Variants in ZDHHC20 observed in about 807,000 individuals in gnomAD.
The protein encoded by ZDHHC20 is zDHHC palmitoyltransferase 20, also known as palmitoyltransferase ZDHHC20.
ZDHHC20 carries 43 observed loss-of-function variants against 57.8 expected under a neutral mutation model. The ratio of observed to expected loss-of-function variants is 0.74; its 90% CI spans 0.58 to 0.96. The LOEUF is 0.96. Ranked by LOEUF, ZDHHC20 falls within the 40% of genes least tolerant of loss-of-function variation. The pLI is 0.00. For synonymous variants in ZDHHC20, 157 were observed against 153.0 expected, an observed-to-expected ratio of 1.03 and a Z score of -0.19; for missense variants, 391 against 441.1, an observed-to-expected ratio of 0.89 and a Z score of 1.02.
chr13:21,386,614 T>C (rs917765194), intron 9 of ZDHHC20, among the ~76,000 whole-genome samples: 1 of 152,222 alleles, frequency 6.6e-6, no homozygotes, highest in Non-Finnish European at 1.5e-5. Context: ...GTTGGCACCA[T>C]CTCAGCTCAC....
chr13:21,400,890 T>C (rs1250051194), intron 6 of ZDHHC20, among the ~76,000 whole-genome samples: 1 of 151,960 alleles, frequency 6.6e-6, no homozygotes, highest in Non-Finnish European at 1.5e-5. Context: ...TTTGTATTTT[T>C]AGTAGAGATG....
intron 1 of ZDHHC20, among the ~76,000 whole-genome samples, chr13:21,431,168 G>A (rs1397595838): frequency 1.3e-5 from 2 of 152,176 alleles, no homozygotes; most frequent in African/African-American, 4.8e-5. Flanking sequence ...AGACTAGGAA[G>A]AAAAAGAGGT....
chr13:21,448,980 G>A (rs916342730), intron 1 of ZDHHC20, among the ~76,000 whole-genome samples: 7 of 113,542 alleles, frequency 6.2e-5, no homozygotes, highest in East Asian at 2.1e-4. Flanking sequence ...GATTAAGGGC[G>A]GTGCAAGATG....
intron 7 of ZDHHC20, among the ~76,000 whole-genome samples, chr13:21,397,942 T>G (rs1877059568): frequency 6.6e-6 from 1 of 152,162 alleles, no homozygotes; most frequent in African/African-American, 2.4e-5. Flanking sequence ...GGAATAGGAA[T>G]GATTTGAGGC....
chr13:21,414,247 A>G (rs1879625380), intron 3 of ZDHHC20, among the ~76,000 whole-genome samples: 1 of 145,072 alleles, frequency 6.9e-6, no homozygotes, highest in South Asian at 2.2e-4. Context: ...TTTTTTTTTA[A>G]CCATTTTTAG....
At chr13:21,433,789 T>C (rs1001521038) in intron 1 of ZDHHC20, among the ~76,000 whole-genome samples, 2 of 152,220 alleles carry the variant, frequency 1.3e-5, no homozygotes, top group East Asian at 1.9e-4. Context: ...CCCATGACCA[T>C]GGCGTAGCTC....
In ZDHHC20 at chr13:21,373,268, C is replaced by A. The variant is rs1410462599; in HGVS notation, c.*3428G>T. The A allele has an allele frequency of 6.6e-6, 1 of 152,142 alleles. No individual in the cohort carries two copies. Among genetic ancestry groups the A allele is most frequent in the African/African-American group, 2.4e-5 (1 of 41,434 alleles). The allele number at this position is 152,142 out of a possible 1,614,324, so 9.4% of individuals were successfully genotyped here. On this transcript the variant is annotated 3_prime_UTR_variant, in exon 13 of 13. Coordinates refer to ENST00000400590, the MANE Select transcript of ZDHHC20 (RefSeq NM_001330059.2). ...AGAATATGTAGATCCTAAATCTAAG[C>A]CCTTAATATACATCTACTTTAAAGA...
chr13:21,398,174 A>G (rs767229447), intron 7 of ZDHHC20, among the ~76,000 whole-genome samples: 12 of 152,130 alleles, frequency 7.9e-5, no homozygotes, highest in Non-Finnish European at 1.3e-4. Flanking sequence ...TAAGAAACAT[A>G]AACAAACAGG....
chr13:21,400,319 A>G, intron 7 of ZDHHC20, 54 bp downstream of exon 7: 1 of 1,466,010 alleles, frequency 6.8e-7, no homozygotes, highest in African/African-American at 1.4e-5. Context: ...TTTATTAGGA[A>G]GATAGCATCT....
At chr13:21,440,431 T>TG (rs1350650984) in intron 1 of ZDHHC20, among the ~76,000 whole-genome samples, 15 of 151,922 alleles carry the variant, frequency 9.9e-5, no homozygotes, top group South Asian at 2.1e-4. Context: ...GCCAACATGG[T>TG]GAAACCCTGT....
At chr13:21,425,996 G>C (rs1409874842) in intron 1 of ZDHHC20, among the ~76,000 whole-genome samples, 5 of 152,118 alleles carry the variant, frequency 3.3e-5, no homozygotes, top group Non-Finnish European at 2.9e-5. Context: ...AGAATGAACA[G>C]AACTGTCCTC....
intron 8 of ZDHHC20, among the ~76,000 whole-genome samples, chr13:21,389,787 G>A (rs528297159): frequency 1.3e-5 from 2 of 152,186 alleles, no homozygotes; most frequent in South Asian, 4.2e-4. Flanking sequence ...GTGGGAAAAC[G>A]GGCCTACTAC....
At chr13:21,425,133 T>C (rs1881105207) in intron 2 of ZDHHC20, among the ~76,000 whole-genome samples, 2 of 152,200 alleles carry the variant, frequency 1.3e-5, no homozygotes, top group Admixed American at 6.5e-5. Context: ...CTCTGGGCAC[T>C]ATCTTTTTTA....
intron 6 of ZDHHC20, among the ~76,000 whole-genome samples, chr13:21,401,088 G>T (rs965383369): frequency 3.9e-5 from 6 of 151,916 alleles, no homozygotes; most frequent in Non-Finnish European, 4.4e-5. Flanking sequence ...GACCAGCATG[G>T]GCAACATGGA....
intron 1 of ZDHHC20, among the ~76,000 whole-genome samples, chr13:21,456,797 A>C (rs1157838026): frequency 2.0e-5 from 3 of 152,350 alleles, no homozygotes; most frequent in African/African-American, 7.2e-5. Flanking sequence ...TGTAGGGTAT[A>C]ATCTCTACAG....
chr13:21,380,335 C>A (rs1873107591), intron 11 of ZDHHC20, among the ~76,000 whole-genome samples: 1 of 151,410 alleles, frequency 6.6e-6, no homozygotes, highest in Non-Finnish European at 1.5e-5. Context: ...AAGCTGGTCT[C>A]TAACACTTGA....
chr13:21,387,231 C>T (rs1018195353), intron 9 of ZDHHC20, among the ~76,000 whole-genome samples: 19 of 152,102 alleles, frequency 1.2e-4, no homozygotes, highest in African/African-American at 4.1e-4. Context: ...TTACTTCAAA[C>T]AAGTTATTTG....
intron 1 of ZDHHC20, among the ~76,000 whole-genome samples, chr13:21,445,065 T>TAC (rs1289508674): frequency 4.1e-4 from 62 of 151,608 alleles, no homozygotes; most frequent in African/African-American, 1.4e-3. Context: ...TCAAAACACA[T>TAC]ACACACACAC....
chr13:21,401,972 T>TAC (rs1313296861), intron 5 of ZDHHC20, among the ~76,000 whole-genome samples: 4 of 152,050 alleles, frequency 2.6e-5, no homozygotes, highest in African/African-American at 9.7e-5. Context: ...GGCTCATGCG[T>TAC]GTAATTAATT....
Sources: allele counts gnomAD v4.1 joint callset (sites outside exome capture counted in the v4.1 genomes callset), GRCh38; gene constraint gnomAD v4.1.1; transcripts MANE v1.5; gene names NCBI Gene and HGNC (gene_info 2026-07-23, HGNC 2026-07-21).